Variants in TCEA1 observed in about 807,000 individuals in gnomAD.
TCEA1 encodes the protein transcription elongation factor A1, also known as transcription elongation factor A protein 1.
In TCEA1, 21 loss-of-function variants were observed where a neutral mutation model predicts 43.8. The observed-to-expected ratio is 0.48, with a 90% CI of 0.34 to 0.69. The LOEUF is 0.69. Among genes scored for constraint, TCEA1 ranks in the 30% least tolerant of loss-of-function variants. The pLI is 0.01. For missense variants in TCEA1, 250 were observed against 365.1 expected (o/e 0.68, Z 2.57); for synonymous variants, 104 against 117.5 (o/e 0.88, Z 0.75).
intron 4 of TCEA1, among the ~76,000 whole-genome samples, chr8:53,991,118 C>T (rs1222540174): frequency 1.3e-5 from 2 of 152,096 alleles, no homozygotes; most frequent in South Asian, 2.1e-4. Context: ...AGAGGCCAGG[C>T]GCAGTGGCTC....
intron 8 of TCEA1, among the ~76,000 whole-genome samples, chr8:53,978,245 A>T (rs1049649883): frequency 5.3e-5 from 8 of 152,162 alleles, no homozygotes; most frequent in African/African-American, 1.7e-4. Context: ...CAAAAAAATA[A>T]TAATAATTTT....
chr8:53,972,955 T>A lies in TCEA1; in HGVS notation c.826-2492A>T, dbSNP rs142317995. 3.5e-3 allele frequency: 2,333 copies of A among 662,134 alleles called. 33 individuals carry two copies. In the African/African-American group the frequency reaches 0.037, roughly 10 times the overall value. 41.0% of individuals were successfully genotyped at this position (662,134 alleles called of 1,614,324 possible). ...GCATATAAACTAAATATATATCATA[T>A]CTGCTGCAATGGGAACATCAATGGT... is the stretch of plus-strand genomic sequence containing the variant. On this transcript the variant is annotated intron_variant, in intron 8 of 9. Coordinates refer to ENST00000521604, the MANE Select transcript of TCEA1 (RefSeq NM_006756.4).
intron 8 of TCEA1, chr8:53,973,390 AAAAG>A (rs1194070294): frequency 3.9e-6 from 2 of 508,724 alleles, no homozygotes; most frequent in African/African-American, 4.0e-5. Flanking sequence ...GACAAAAAGA[AAAAG>A]AAGACTCTTG....
chr8:53,972,576 A>T, intron 8 of TCEA1: 1 of 555,798 alleles, frequency 1.8e-6, no homozygotes, highest in East Asian at 4.6e-5. Context: ...CAACTGATTT[A>T]AACCTAAAGG....
intron 2 of TCEA1, among the ~76,000 whole-genome samples, chr8:54,002,646 G>T (rs1300385130): frequency 2.0e-5 from 3 of 151,634 alleles, no homozygotes; most frequent in Non-Finnish European, 4.4e-5. Context: ...TTGACTCTAT[G>T]AATTCCCTAG....
chr8:54,008,139 C>T (rs1247387038), intron 2 of TCEA1, among the ~76,000 whole-genome samples: 3 of 138,474 alleles, frequency 2.2e-5, no homozygotes, highest in African/African-American at 5.4e-5. Flanking sequence ...TACCACTGCA[C>T]TCCATCCTGG....
At chr8:53,990,630 C>T (rs557883173) in intron 4 of TCEA1, among the ~76,000 whole-genome samples, 108 of 152,302 alleles carry the variant, frequency 7.1e-4, no homozygotes, top group Non-Finnish European at 1.0e-3. Flanking sequence ...CCCAAAAGTG[C>T]TGACATTACA....
In TCEA1 at chr8:54,018,352, A is replaced by G. The variant is rs563387655; in HGVS notation, c.63+3711T>C. Among the ~76,000 whole-genome samples the G allele has an allele frequency of 1.4e-3, 215 of 152,302 alleles. 3 individuals are homozygous for G. The highest frequency in any genetic ancestry group is 5.0e-3 in the African/African-American group (206 of 41,548). On this transcript the variant is annotated intron_variant, in intron 1 of 9. Transcript: ENST00000521604. ...ATGTCCTTGCCTCACTCCTCCTTCTATAATCTAAATGAATCCTTTACAAAG... is the reference window on the plus strand; with the variant it reads ...ATGTCCTTGCCTCACTCCTCCTTCTGTAATCTAAATGAATCCTTTACAAAG...
chr8:54,007,577 A>T (rs868061200), intron 2 of TCEA1, among the ~76,000 whole-genome samples: 1 of 152,250 alleles, frequency 6.6e-6, no homozygotes, highest in African/African-American at 2.4e-5. Flanking sequence ...TGAAGTTAAA[A>T]CATTTGTGAA....
chr8:53,976,503 G>C (rs541463155), intron 8 of TCEA1, among the ~76,000 whole-genome samples: 1 of 152,240 alleles, frequency 6.6e-6, no homozygotes, highest in South Asian at 2.1e-4. Context: ...TGAGAACTTT[G>C]AGAGTTTTCT....
At chr8:54,018,588 G>A (rs1188232806) in intron 1 of TCEA1, among the ~76,000 whole-genome samples, 1 of 152,170 alleles carries the variant, frequency 6.6e-6, no homozygotes, top group Non-Finnish European at 1.5e-5. Flanking sequence ...ACCCACATTA[G>A]CAGTCAGACT....
chr8:54,000,166 T>G (rs1017002847), intron 2 of TCEA1, 116 bp from the exon 3 acceptor site: 14 of 664,438 alleles, frequency 2.1e-5, no homozygotes, highest in Non-Finnish European at 3.5e-5. Flanking sequence ...TTTCAAAACT[T>G]CAATTTTTGG....
At position 53,984,409 on chromosome 8, in the gene TCEA1, A is replaced by G. The variant is rs778119736; in HGVS notation, c.632T>C (p.Leu211Pro). The change falls in exon 7 of 10, where the codon CTC becomes CCC. Residue 211 changes from leucine to proline, a missense_variant. By Grantham distance (98) the Leu-to-Pro change is moderately conservative (BLOSUM62 -3). Coordinates refer to ENST00000521604, the MANE Select transcript of TCEA1 (RefSeq NM_006756.4). ...AKNPNLRKNV[L>P]CGNIPPDLFA... ...TAAGTCAGGAGGAATATTCCCACAG[A>G]GGACATTTTTCCTTAAATTTGGATT... 1 of 1,606,754 alleles carries G rather than the reference A, an allele frequency of 6.2e-7. No individual in the cohort carries two copies. The highest frequency in any genetic ancestry group is 8.5e-7 in the Non-Finnish European group (1 of 1,177,642).
At chr8:53,977,887 G>A (rs1315990027) in intron 8 of TCEA1, among the ~76,000 whole-genome samples, 6 of 152,114 alleles carry the variant, frequency 3.9e-5, no homozygotes, top group South Asian at 4.1e-4. Flanking sequence ...GTGGAGGAGC[G>A]TGAAGAACTT....
chr8:53,973,129 A>AT, intron 8 of TCEA1: 1 of 608,872 alleles, frequency 1.6e-6, no homozygotes, highest in Non-Finnish European at 3.1e-6. Context: ...CTACAAGGTG[A>AT]TGATGAAGTC....
chr8:53,992,336 G>T (rs1198805308), intron 4 of TCEA1, among the ~76,000 whole-genome samples: 1 of 151,814 alleles, frequency 6.6e-6, no homozygotes, highest in Non-Finnish European at 1.5e-5. Context: ...AAAAACCCCA[G>T]GCACAGTGGC....
At chr8:53,972,767 A>T (rs1803198007) in intron 8 of TCEA1, 7 of 714,276 alleles carry the variant, frequency 9.8e-6, no homozygotes, top group Non-Finnish European at 5.3e-6. Context: ...ACTATTATGC[A>T]GTAGTAGACT....
At chr8:54,010,150 C>A in intron 2 of TCEA1, 1 of 327,880 alleles carries the variant, frequency 3.0e-6, no homozygotes, top group South Asian at 3.7e-5. Context: ...CTTAGGAGAC[C>A]AAATCAGGGC....
chr8:54,012,634 A>T (rs751827643), intron 1 of TCEA1, among the ~76,000 whole-genome samples: 5 of 152,218 alleles, frequency 3.3e-5, no homozygotes, highest in Non-Finnish European at 5.9e-5. Flanking sequence ...TGCTGGGGGT[A>T]TTATGTAATA....
Sources: allele counts gnomAD v4.1 joint callset (sites outside exome capture counted in the v4.1 genomes callset), GRCh38; gene constraint gnomAD v4.1.1; transcripts MANE v1.5; gene names NCBI Gene and HGNC (gene_info 2026-07-23, HGNC 2026-07-21).